ALPK2: variants seen among roughly 807,000 people sequenced by gnomAD.
ALPK2 encodes alpha-protein kinase 2.
ALPK2 carries 127 observed loss-of-function variants against 163.1 expected under a neutral mutation model. The ratio of observed to expected loss-of-function variants is 0.78; its 90% CI spans 0.67 to 0.90. The LOEUF (loss-of-function observed/expected upper bound fraction) is 0.90, where lower values mean the gene tolerates loss of function less well. ALPK2 is among the 40% of genes least tolerant of loss of function. ALPK2 has a pLI of 0.00. For missense variants in ALPK2, 2,360 were observed against 2,589.6 expected (o/e 0.91, Z 1.92); for synonymous variants, 953 against 959.1 (o/e 0.99, Z 0.12).
rs116179805 is a variant in ALPK2, at chr18:58,623,096, G to A, written c.-21+5668C>T. Among the ~76,000 whole-genome samples the A allele has an allele frequency of 5.5e-3, 830 of 152,246 alleles. 4 individuals are homozygous for A. The highest frequency in any genetic ancestry group is 0.019 in the African/African-American group (799 of 41,536). On this transcript the variant is annotated intron_variant, in intron 1 of 12. Transcript: ENST00000361673. Reference sequence around the variant, plus strand: ...TGTCAGCAAGTCCAGTCAGAAAAAAGCAGTGGTGTGAGGACAGGGAAGTTT... The same window carrying A: ...TGTCAGCAAGTCCAGTCAGAAAAAAACAGTGGTGTGAGGACAGGGAAGTTT...
rs1184365536 is a variant in ALPK2 at position 58,598,717 on chromosome 18, A to G, written c.227+8605T>C. Among the ~76,000 whole-genome samples, 4 of 152,266 alleles carry G rather than the reference A, an allele frequency of 2.6e-5. No individual in the cohort carries two copies. In the East Asian group the frequency reaches 7.7e-4, roughly 29 times the overall value. ...TCTCCCCTTGTCAGGTAATTTCTTTATGAGCTTTACCTTAGAGGGAGTTGG... is the reference window on the plus strand; with the variant it reads ...TCTCCCCTTGTCAGGTAATTTCTTTGTGAGCTTTACCTTAGAGGGAGTTGG... On this transcript the variant is annotated intron_variant, in intron 3 of 12. Coordinates refer to ENST00000361673, the MANE Select transcript of ALPK2 (RefSeq NM_052947.4).
In ALPK2 at chr18:58,579,369, G is replaced by T; in HGVS notation, c.1407C>A (p.Thr469=). ...CCTCTCTTGCTTGGTGGCTGTCTCT[G>T]GTTTCTCCTTGAATTCCTGGATAAT... The part of the protein sequence containing the change: ...ENDYPGIQGE[T]RDSHQAREEF... The change falls in exon 4 of 13, where the codon ACC becomes ACA. Residue 469 remains threonine, a synonymous_variant. Transcript: ENST00000361673. 1 of 1,614,102 alleles carries T rather than the reference G, an allele frequency of 6.2e-7. No individual in the cohort carries two copies. The highest frequency in any genetic ancestry group is 1.1e-5 in the South Asian group (1 of 91,070).
At chr18:58,484,353 T>C (rs949996075) in intron 12 of ALPK2, among the ~76,000 whole-genome samples, 1 of 152,142 alleles carries the variant, frequency 6.6e-6, no homozygotes, top group African/African-American at 2.4e-5. Flanking sequence ...TTGACTCATG[T>C]TGTCCAGTGA....
At chr18:58,584,238 A>G (rs1269295760) in intron 3 of ALPK2, among the ~76,000 whole-genome samples, 1 of 152,226 alleles carries the variant, frequency 6.6e-6, no homozygotes, top group Non-Finnish European at 1.5e-5. Flanking sequence ...CTCACTGGCT[A>G]ATGAGTGCCT....
At chr18:58,609,617 G>GC (rs1210671071) in intron 2 of ALPK2, among the ~76,000 whole-genome samples, 1 of 152,106 alleles carries the variant, frequency 6.6e-6, no homozygotes, top group African/African-American at 2.4e-5. Context: ...TTTCCCCTGT[G>GC]CAGTATAGAT....
chr18:58,560,991 T>G (rs1284582532), intron 4 of ALPK2, among the ~76,000 whole-genome samples: 2 of 152,246 alleles, frequency 1.3e-5, no homozygotes, highest in Non-Finnish European at 2.9e-5. Flanking sequence ...ATTGAGATTT[T>G]TTTTATTATT....
rs779946383 is a variant in ALPK2 at position 58,580,486 on chromosome 18, C to T, written c.290G>A (p.Cys97Tyr). ...CTCAACCTCAACGGAAGCAGAACAACAGATCATTCCAAAAGAGTTTTTAGC... is the reference window on the plus strand; with the variant it reads ...CTCAACCTCAACGGAAGCAGAACAATAGATCATTCCAAAAGAGTTTTTAGC... Reference protein sequence around the residue: ...ISAKNSFGMICCSASVEVECS... With the variant: ...ISAKNSFGMIYCSASVEVECS... Residue 97 changes from cysteine to tyrosine, a missense_variant, in exon 4 of 13, where the codon TGT becomes TAT. Physicochemically the swap from Cys to Tyr is radical, Grantham distance 194 (BLOSUM62 -2). Transcript: ENST00000361673. 3.1e-6 allele frequency: 5 copies of T among 1,614,050 alleles called. No homozygotes were observed. In the African/African-American group the frequency reaches 4.0e-5, roughly 13 times the overall value.
chr18:58,511,171 T>C (rs1041249969), intron 10 of ALPK2, among the ~76,000 whole-genome samples: 2 of 152,350 alleles, frequency 1.3e-5, no homozygotes, highest in Non-Finnish European at 2.9e-5. Context: ...TGGTTCTGTT[T>C]ATATGCTGGA....
At chr18:58,628,165 A>T (rs1331688640) in intron 1 of ALPK2, among the ~76,000 whole-genome samples, 2 of 151,992 alleles carry the variant, frequency 1.3e-5, no homozygotes, top group African/African-American at 2.4e-5. Flanking sequence ...ATTTTTTTTT[A>T]AATCTATTTA....
At chr18:58,517,827 C>CA (rs1179970581) in intron 8 of ALPK2, among the ~76,000 whole-genome samples, 1 of 150,154 alleles carries the variant, frequency 6.7e-6, no homozygotes, top group Non-Finnish European at 1.5e-5. Context: ...ATAAACAAAA[C>CA]AAAAAAATAA....
At chr18:58,494,523 G>T (rs1025197809) in intron 12 of ALPK2, among the ~76,000 whole-genome samples, 1 of 152,148 alleles carries the variant, frequency 6.6e-6, no homozygotes, top group African/African-American at 2.4e-5. Flanking sequence ...TGCATGACTG[G>T]GGTGTCAGCA....
At chr18:58,516,168 C>T (rs905170736) in intron 9 of ALPK2, among the ~76,000 whole-genome samples, 6 of 151,278 alleles carry the variant, frequency 4.0e-5, no homozygotes, top group East Asian at 1.9e-4. Flanking sequence ...GCTGTGGAGC[C>T]GTGATCATGC....
At chr18:58,545,893 T>C (rs964512934) in intron 4 of ALPK2, among the ~76,000 whole-genome samples, 1 of 152,126 alleles carries the variant, frequency 6.6e-6, no homozygotes, top group Non-Finnish European at 1.5e-5. Context: ...GGATAACCTT[T>C]CCTAAATATC....
At chr18:58,515,133 A>G in intron 9 of ALPK2, 52 bp from the exon 10 acceptor site, 1 of 1,337,370 alleles carries the variant, frequency 7.5e-7, no homozygotes, top group Non-Finnish European at 1.1e-6. Context: ...AAATTCAGAC[A>G]GTATTGCCCA....
Position 58,607,313 on chromosome 18 carries a change from G to T in ALPK2, c.227+9C>A. On this transcript the variant is annotated intron_variant, in intron 3 of 12. Coordinates refer to ENST00000361673, the MANE Select transcript of ALPK2 (RefSeq NM_052947.4). ...TTAGTAAACAGTCCACAGGGGTATA[G>T]CCACTTACCAAGAGAGATGTAACAC... 1 of 1,579,654 alleles carries T rather than the reference G, an allele frequency of 6.3e-7. No homozygotes were observed. Among genetic ancestry groups the T allele is most frequent in the Non-Finnish European group, 8.7e-7 (1 of 1,151,086 alleles).
chr18:58,563,418 A>G (rs533365413), intron 4 of ALPK2, among the ~76,000 whole-genome samples: 1 of 152,362 alleles, frequency 6.6e-6, no homozygotes, highest in African/African-American at 2.4e-5. Flanking sequence ...TTTTAAAACC[A>G]TGAAATGTAT....
At chr18:58,589,346 C>G (rs922403324) in intron 3 of ALPK2, among the ~76,000 whole-genome samples, 2 of 152,144 alleles carry the variant, frequency 1.3e-5, no homozygotes, top group Admixed American at 1.3e-4. Flanking sequence ...GAGGCCGGTT[C>G]CATCAATTCT....
intron 4 of ALPK2, among the ~76,000 whole-genome samples, chr18:58,561,720 C>T (rs1316663794): frequency 2.0e-5 from 3 of 152,214 alleles, no homozygotes; most frequent in Non-Finnish European, 4.4e-5. Context: ...GGGACACTGT[C>T]TACCAACTCC....
At chr18:58,546,979 C>T (rs898277539) in intron 4 of ALPK2, among the ~76,000 whole-genome samples, 4 of 140,378 alleles carry the variant, frequency 2.8e-5, no homozygotes, top group Admixed American at 2.1e-4. Context: ...TAAAAAGACA[C>T]AGGAGATGAG....
Sources: gnomAD v4.1 joint callset for allele counts (sites outside exome capture counted in the v4.1 genomes callset) on GRCh38, gnomAD v4.1.1 for gene constraint, MANE v1.5 for transcripts, NCBI Gene and HGNC (gene_info 2026-07-23, HGNC 2026-07-21) for gene names.